Variants in ROBO2 observed in about 807,000 individuals in gnomAD.
ROBO2 encodes the protein roundabout guidance receptor 2, also known as roundabout homolog 2.
A neutral mutation model predicts 160.8 loss-of-function variants in ROBO2; 53 were observed. The ratio of observed to expected loss-of-function variants is 0.33; its 90% CI spans 0.26 to 0.41. The LOEUF (loss-of-function observed/expected upper bound fraction) is 0.41. ROBO2 is among the 10% of genes least tolerant of loss of function. The probability of loss-of-function intolerance (pLI) is 1.00; values close to 1 mark genes in which losing one functional copy is unlikely to be tolerated. For missense variants in ROBO2, 1,577 were observed against 1,722.4 expected, an observed-to-expected ratio of 0.92 and a Z score of 1.49; for synonymous variants, 664 against 611.7, an observed-to-expected ratio of 1.09 and a Z score of -1.26.
chr3:76,517,030 T>C (rs1341888896), intron 2 of ROBO2, among the ~76,000 whole-genome samples: 1 of 152,214 alleles, frequency 6.6e-6, no homozygotes, highest in African/African-American at 2.4e-5. Flanking sequence ...GTTTAACTTT[T>C]ATCTAGGTAG....
At chr3:76,407,427 G>T (rs1022791038) in intron 2 of ROBO2, among the ~76,000 whole-genome samples, 14 of 151,946 alleles carry the variant, frequency 9.2e-5, no homozygotes, top group African/African-American at 3.4e-4. Flanking sequence ...TAAGTCACCA[G>T]TGCCCAGACA....
At chr3:76,274,062 C>G (rs1707770567) in intron 2 of ROBO2, among the ~76,000 whole-genome samples, 1 of 152,154 alleles carries the variant, frequency 6.6e-6, no homozygotes, top group African/African-American at 2.4e-5. Flanking sequence ...GATCTAATCA[C>G]TTCTTAAAGG....
intron 2 of ROBO2, among the ~76,000 whole-genome samples, chr3:76,917,725 G>C (rs1215647555): frequency 6.8e-6 from 1 of 147,932 alleles, no homozygotes; most frequent in African/African-American, 2.5e-5. Context: ...ACATATGTAA[G>C]GGGATAATAT....
At chr3:77,602,604 C>T in intron 20 of ROBO2, 113 bp downstream of exon 21, 1 of 1,277,004 alleles carries the variant, frequency 7.8e-7, no homozygotes, top group Non-Finnish European at 1.1e-6. Context: ...ACTACCTAAA[C>T]TAAAAAAAGA....
chr3:77,201,038 C>CCTA (rs749507385), intron 2 of ROBO2, among the ~76,000 whole-genome samples: 3 of 152,162 alleles, frequency 2.0e-5, no homozygotes, highest in Non-Finnish European at 4.4e-5. Flanking sequence ...ATATGAAGCT[C>CCTA]CTACTAGGTG....
intron 2 of ROBO2, among the ~76,000 whole-genome samples, chr3:75,988,273 C>G (rs2065470189): frequency 6.6e-6 from 1 of 151,938 alleles, no homozygotes; most frequent in Non-Finnish European, 1.5e-5. Flanking sequence ...TTGCATATTT[C>G]TAGGAATTTG....
intron 2 of ROBO2, among the ~76,000 whole-genome samples, chr3:76,914,994 T>C (rs1424508184): frequency 6.6e-6 from 1 of 152,230 alleles, no homozygotes; most frequent in East Asian, 1.9e-4. Context: ...TAAATGTCAA[T>C]ATAAGTTTTT....
chr3:77,402,044 G>T (rs1022995082), intron 2 of ROBO2, among the ~76,000 whole-genome samples: 1 of 152,102 alleles, frequency 6.6e-6, no homozygotes, highest in Non-Finnish European at 1.5e-5. Context: ...GCCCATCAAT[G>T]ATAGACTGGA....
chr3:77,533,712 C>T (rs1031876608), intron 6 of ROBO2, among the ~76,000 whole-genome samples: 9 of 152,090 alleles, frequency 5.9e-5, no homozygotes, highest in African/African-American at 1.9e-4. Context: ...ATTTAAAGAT[C>T]CAGAGTATTA....
chr3:77,469,044 G>T (rs1005103831), intron 2 of ROBO2, among the ~76,000 whole-genome samples: 1 of 152,076 alleles, frequency 6.6e-6, no homozygotes, highest in African/African-American at 2.4e-5. Flanking sequence ...ACCATATTTT[G>T]TTCAATTGTA....
At chr3:76,673,084 A>G (rs377405826) in intron 2 of ROBO2, among the ~76,000 whole-genome samples, 1 of 151,756 alleles carries the variant, frequency 6.6e-6, no homozygotes, top group African/African-American at 2.4e-5. Flanking sequence ...AGGTTTTCCT[A>G]AATCCACTTC....
chr3:77,036,307 A>G (rs1377274269), upstream of ROBO2, among the ~76,000 whole-genome samples: 1 of 152,032 alleles, frequency 6.6e-6, no homozygotes, highest in Non-Finnish European at 1.5e-5. Flanking sequence ...ACATGGCAGT[A>G]TATGTTAAAA....
chr3:77,301,838 T>C (rs570558694), intron 2 of ROBO2, among the ~76,000 whole-genome samples: 1 of 152,298 alleles, frequency 6.6e-6, no homozygotes, highest in East Asian at 1.9e-4. Context: ...ACTTGCTGTG[T>C]GTCCTCAGAG....
At chr3:77,284,634 T>C (rs1203559215) in intron 2 of ROBO2, among the ~76,000 whole-genome samples, 1 of 152,158 alleles carries the variant, frequency 6.6e-6, no homozygotes, top group African/African-American at 2.4e-5. Context: ...ATTATGATCA[T>C]AGAATTTGAA....
chr3:76,658,198 A>G (rs563083597), intron 2 of ROBO2, among the ~76,000 whole-genome samples: 274 of 151,856 alleles, frequency 1.8e-3, no homozygotes, highest in African/African-American at 6.5e-3. Context: ...TGTAATTCCA[A>G]TACCCAGACA....
At chr3:75,979,594 T>G (rs79313761) in intron 2 of ROBO2, among the ~76,000 whole-genome samples, 4,011 of 151,586 alleles carry the variant, frequency 0.026, 81 homozygotes, top group Non-Finnish European at 0.042. Context: ...TAATGGAGAT[T>G]TAGGACATAA....
intron 2 of ROBO2, among the ~76,000 whole-genome samples, chr3:76,994,386 C>CT (rs34296660): frequency 0.53 from 81,133 of 151,888 alleles, 22,629 homozygotes; most frequent in East Asian, 0.81. Flanking sequence ...AAACTTTAAA[C>CT]TTTTTACTGC....
chr3:77,152,314 A>G (rs1471336672), intron 2 of ROBO2, among the ~76,000 whole-genome samples: 1 of 152,232 alleles, frequency 6.6e-6, no homozygotes, highest in African/African-American at 2.4e-5. Flanking sequence ...TTAATTTAAT[A>G]CTATATTTAG....
chr3:75,993,086 G>T, intron 2 of ROBO2, among the ~76,000 whole-genome samples: 1 of 152,132 alleles, frequency 6.6e-6, no homozygotes, highest in Non-Finnish European at 1.5e-5. Context: ...GTGGACTTTT[G>T]GGTTATTGCT....
Sources: allele counts gnomAD v4.1 joint callset (sites outside exome capture counted in the v4.1 genomes callset), GRCh38; gene constraint gnomAD v4.1.1; transcripts MANE v1.5; gene names NCBI Gene and HGNC (gene_info 2026-07-23, HGNC 2026-07-21).